Variants in MEPE observed in about 807,000 individuals in gnomAD.
MEPE encodes the protein matrix extracellular phosphoglycoprotein, also known as matrix, extracellular phosphoglycoprotein with ASARM motif (bone).
Under a neutral mutation model 7.3 loss-of-function variants are expected in MEPE, and 7 were observed. The ratio of observed to expected loss-of-function variants is 0.95; its 90% CI spans 0.54 to 1.79. The LOEUF (loss-of-function observed/expected upper bound fraction) is 1.79, where lower values mean the gene tolerates loss of function less well. Among genes scored for constraint, MEPE ranks in the 40% most tolerant of loss-of-function variants. The pLI is 0.00. For missense variants in MEPE, 623 were observed against 628.2 expected, an observed-to-expected ratio of 0.99 and a Z score of 0.09; for synonymous variants, 214 against 213.1, an observed-to-expected ratio of 1.00 and a Z score of -0.04.
chr4:87,822,430 A>G (rs1243266866), intron 1 of MEPE, among the ~76,000 whole-genome samples: 1 of 152,180 alleles, frequency 6.6e-6, no homozygotes, highest in Non-Finnish European at 1.5e-5. Flanking sequence ...TGTGGTTGGT[A>G]ACTGGGTTAC....
chr4:87,839,285 A>G (rs1304132820), intron 3 of MEPE, among the ~76,000 whole-genome samples: 2 of 152,196 alleles, frequency 1.3e-5, no homozygotes, highest in Non-Finnish European at 2.9e-5. Context: ...AAGAGCCTGA[A>G]TGTTCATGCT....
intron 2 of MEPE, among the ~76,000 whole-genome samples, chr4:87,835,298 C>T (rs1336991295): frequency 1.3e-5 from 2 of 152,220 alleles, no homozygotes; most frequent in Non-Finnish European, 2.9e-5. Context: ...TACCTCCAAG[C>T]TTAACCCAAA....
At chr4:87,844,086 T>C (rs143949413) in intron 3 of MEPE, among the ~76,000 whole-genome samples, 5 of 150,742 alleles carry the variant, frequency 3.3e-5, no homozygotes, top group African/African-American at 7.3e-5. Flanking sequence ...CTCACATTTG[T>C]CCCTAGTATG....
At chr4:87,840,189 G>C in intron 3 of MEPE, 1 of 950,970 alleles carries the variant, frequency 1.1e-6, no homozygotes, top group Non-Finnish European at 1.5e-6. Context: ...AAACCATTTT[G>C]GCCTAATGAG....
intron 3 of MEPE, among the ~76,000 whole-genome samples, chr4:87,843,193 A>G (rs1274625926): frequency 1.3e-5 from 2 of 152,160 alleles, no homozygotes; most frequent in Non-Finnish European, 2.9e-5. Context: ...AGCCTCCTAC[A>G]TGTTCTTTCT....
chr4:87,825,192 A>C (rs553019213), intron 1 of MEPE, among the ~76,000 whole-genome samples: 1 of 152,266 alleles, frequency 6.6e-6, no homozygotes, highest in South Asian at 2.1e-4. Flanking sequence ...CTTTTTCACT[A>C]TACTGTCTTT....
Position 87,846,215 on chromosome 4 carries a change from C to T in MEPE, c.1347C>T (p.Asn449=), listed in dbSNP as rs150153522. The stretch of plus-strand genomic sequence containing the variant: ...GTGGTCTTGATAATGAAATCAAAAA[C>T]GAAATGGATTCCTTTAATGGCCCCA... ...PSRGLDNEIK[N]EMDSFNGPSH... is the part of the protein sequence containing the mutation. Residue 449 remains asparagine, a synonymous_variant, in exon 4 of 4, where the codon AAC becomes AAT. Transcript: ENST00000361056. 2.9e-4 allele frequency: 474 copies of T among 1,613,922 alleles called. 4 individuals carry two copies. The East Asian group carries it at 9.9e-3, about 34-fold the overall frequency.
intron 3 of MEPE, among the ~76,000 whole-genome samples, chr4:87,844,232 A>G (rs539537521): frequency 2.0e-5 from 3 of 152,314 alleles, no homozygotes; most frequent in South Asian, 2.1e-4. Flanking sequence ...GGCATACGGT[A>G]TAGTCAATCT....
At chr4:87,841,973 C>T (rs1202671684) in intron 3 of MEPE, among the ~76,000 whole-genome samples, 1 of 152,156 alleles carries the variant, frequency 6.6e-6, no homozygotes, top group East Asian at 1.9e-4. Flanking sequence ...GTTCTGTATG[C>T]TTTACATGCA....
At chr4:87,827,453 A>G (rs974793331) in intron 1 of MEPE, among the ~76,000 whole-genome samples, 2 of 152,266 alleles carry the variant, frequency 1.3e-5, no homozygotes, top group Non-Finnish European at 2.9e-5. Context: ...GTAAGAAAAT[A>G]TTAATACATG....
intron 1 of MEPE, among the ~76,000 whole-genome samples, chr4:87,823,323 C>T (rs1722387982): frequency 6.6e-6 from 1 of 152,182 alleles, no homozygotes; most frequent in African/African-American, 2.4e-5. Flanking sequence ...TCAAGTCCTT[C>T]TTACCTCCTT....
chr4:87,845,120 T>TA lies in MEPE; in HGVS notation c.255dup (p.Ser86IlefsTer8), dbSNP rs1210107984. On this transcript the variant is annotated frameshift_variant, in exon 4 of 4. Coordinates refer to ENST00000361056, the MANE Select transcript of MEPE (RefSeq NM_020203.6). LOFTEE classifies it low-confidence loss of function (END_TRUNC). ...AAGCCAGTGAGAATAAGGGAAGTAGTAAATCTCAAAATTATTTCACAAATA... is the reference window on the plus strand; with the variant it reads ...AAGCCAGTGAGAATAAGGGAAGTAGTAAAATCTCAAAATTATTTCACAAATA... 6.2e-7 allele frequency: 1 copy of TA among 1,613,704 alleles called. No homozygotes were observed. Among genetic ancestry groups the TA allele is most frequent in the East Asian group, 2.2e-5 (1 of 44,860 alleles).
upstream of MEPE, among the ~76,000 whole-genome samples, chr4:87,829,916 GCTC>G (rs538027054): frequency 2.0e-4 from 26 of 132,076 alleles, no homozygotes; most frequent in South Asian, 6.1e-3. Flanking sequence ...TGGATACTGT[GCTC>G]CTTATTTTCA....
intron 1 of MEPE, among the ~76,000 whole-genome samples, chr4:87,823,073 G>A (rs1722375357): frequency 6.6e-6 from 1 of 152,178 alleles, no homozygotes. Flanking sequence ...TCAGAAGGAG[G>A]CTGGCCACAT....
rs113931822 is a variant in MEPE at position 87,845,839 on chromosome 4, C to T, written c.971C>T (p.Ala324Val). The change falls in exon 4 of 4, where the codon GCG (alanine) becomes GTG (valine). Residue 324 changes from alanine to valine, a missense_variant. By Grantham distance (64) the Ala-to-Val change is moderately conservative. Coordinates refer to ENST00000361056, the MANE Select transcript of MEPE (RefSeq NM_020203.6). ...ACCATTGGAACTAGGGATGAAACTGCGAAAGAGGCAGATGCTGTTGATGTC... is the reference window on the plus strand; with the variant it reads ...ACCATTGGAACTAGGGATGAAACTGTGAAAGAGGCAGATGCTGTTGATGTC... ...GNTIGTRDETAKEADAVDVSL... is the reference protein window; with the variant it reads ...GNTIGTRDETVKEADAVDVSL... The T allele has an allele frequency of 4.1e-5, 66 of 1,613,768 alleles. No homozygotes were observed. In the African/African-American group the frequency reaches 4.1e-4, roughly 10 times the overall value.
intron 3 of MEPE, among the ~76,000 whole-genome samples, chr4:87,842,896 G>A (rs896570000): frequency 6.6e-6 from 1 of 152,132 alleles, no homozygotes; most frequent in African/African-American, 2.4e-5. Context: ...AACTGGGAAG[G>A]ACTTGTACTG....
At chr4:87,831,580 T>A (rs1039027948), upstream of MEPE, among the ~76,000 whole-genome samples, 7 of 152,136 alleles carry the variant, frequency 4.6e-5, no homozygotes, top group Non-Finnish European at 1.0e-4. Context: ...TACAAGAGCT[T>A]CCTAGCCATT....
At chr4:87,822,213 C>A (rs77690983) in intron 1 of MEPE, among the ~76,000 whole-genome samples, 10,069 of 152,214 alleles carry the variant, frequency 0.066, 1,122 homozygotes, top group African/African-American at 0.23. Context: ...GTCTCAGAGT[C>A]TTTTGATTGG....
chr4:87,844,229 G>A (rs1723120806), intron 3 of MEPE, among the ~76,000 whole-genome samples: 1 of 152,078 alleles, frequency 6.6e-6, no homozygotes, highest in South Asian at 2.1e-4. Flanking sequence ...AGTGGCATAC[G>A]GTATAGTCAA....
Sources: gnomAD v4.1 joint callset for allele counts (sites outside exome capture counted in the v4.1 genomes callset) on GRCh38, gnomAD v4.1.1 for gene constraint, MANE v1.5 for transcripts, NCBI Gene and HGNC (gene_info 2026-07-23, HGNC 2026-07-21) for gene names.